NSUN6: variants seen among roughly 807,000 people sequenced by gnomAD.
NSUN6 encodes tRNA (cytosine(72)-C(5))-methyltransferase NSUN6.
NSUN6 carries 64 observed loss-of-function variants against 58.0 expected under a neutral mutation model. That is an observed-to-expected ratio of 1.10 (90% CI 0.90 to 1.36). The LOEUF (loss-of-function observed/expected upper bound fraction) is 1.36. Among genes scored for constraint, NSUN6 ranks in the 40% most tolerant of loss-of-function variants. The probability of loss-of-function intolerance (pLI) is 0.00; values close to 1 mark genes in which losing one functional copy is unlikely to be tolerated. For missense variants in NSUN6, 701 were observed against 550.1 expected, an observed-to-expected ratio of 1.27 and a Z score of -2.74; for synonymous variants, 231 against 193.9, an observed-to-expected ratio of 1.19 and a Z score of -1.59.
intron 8 of NSUN6, among the ~76,000 whole-genome samples, chr10:18,576,433 C>T (rs1465130358): frequency 2.0e-5 from 3 of 152,126 alleles, no homozygotes; most frequent in African/African-American, 4.8e-5. Context: ...AGCTTTTATG[C>T]CATAGTTGGT....
upstream of NSUN6, chr10:18,653,117 G>A (rs979612349): frequency 1.6e-5 from 16 of 984,778 alleles, no homozygotes; most frequent in African/African-American, 1.4e-4. Context: ...TAGCACCACT[G>A]ATGGCTAGAA....
chr10:18,565,938 C>T (rs2055896993), intron 8 of NSUN6, among the ~76,000 whole-genome samples: 1 of 149,826 alleles, frequency 6.7e-6, no homozygotes, highest in African/African-American at 2.4e-5. Context: ...ATTCTCCCTC[C>T]CATTCCCTTC....
intron 2 of NSUN6, among the ~76,000 whole-genome samples, chr10:18,643,871 C>G (rs1268899926): frequency 1.3e-5 from 2 of 152,170 alleles, no homozygotes; most frequent in East Asian, 1.9e-4. Flanking sequence ...TTGTCTCTCC[C>G]TTTCGATTAG....
At chr10:18,563,334 A>G (rs2055681917) in intron 8 of NSUN6, among the ~76,000 whole-genome samples, 1 of 151,224 alleles carries the variant, frequency 6.6e-6, no homozygotes, top group South Asian at 2.1e-4. Flanking sequence ...TGATTACAGA[A>G]TGGAATAGAA....
intron 3 of NSUN6, among the ~76,000 whole-genome samples, chr10:18,628,506 A>C (rs1378779025): frequency 1.3e-5 from 2 of 152,196 alleles, no homozygotes; most frequent in Admixed American, 1.3e-4. Flanking sequence ...GAAAACTTTG[A>C]AAAAAGTTTA....
intron 8 of NSUN6, among the ~76,000 whole-genome samples, chr10:18,562,831 T>C (rs907620219): frequency 2.5e-5 from 2 of 80,888 alleles, no homozygotes; most frequent in Non-Finnish European, 4.9e-5. Context: ...TGGAATGGAA[T>C]GAAATGGAGC....
At chr10:18,600,234 C>T (rs1019604428) in intron 6 of NSUN6, among the ~76,000 whole-genome samples, 7 of 150,520 alleles carry the variant, frequency 4.7e-5, no homozygotes, top group South Asian at 2.1e-4. Flanking sequence ...CAAAGCAAAA[C>T]GAAAAAAAAA....
At chr10:18,637,784 A>G (rs1240867608) in intron 3 of NSUN6, among the ~76,000 whole-genome samples, 1 of 152,270 alleles carries the variant, frequency 6.6e-6, no homozygotes, top group Non-Finnish European at 1.5e-5. Flanking sequence ...TAATGTAGCC[A>G]TTAGAAAGAA....
chr10:18,623,348 G>T (rs1347922975), intron 3 of NSUN6, among the ~76,000 whole-genome samples: 4 of 152,108 alleles, frequency 2.6e-5, no homozygotes, highest in Non-Finnish European at 5.9e-5. Context: ...AATGAAAGGG[G>T]GGGAAAAGAA....
Position 18,545,967 on chromosome 10 carries a change from A to G in NSUN6, c.1376T>C (p.Phe459Ser). 5 of 1,584,438 alleles carry G rather than the reference A, an allele frequency of 3.2e-6. No individual in the cohort carries two copies. The highest frequency in any genetic ancestry group is 3.4e-6 in the Non-Finnish European group (4 of 1,172,008). ...RLANKDSIGF[F>S]IAKFVKCKST is the part of the protein sequence containing the mutation. Reference sequence around the variant, plus strand: ...TTTGCATTTTACAAATTTTGCAATAAAAAAACCTATAGAGTCCTTATTAGC... The same window carrying G: ...TTTGCATTTTACAAATTTTGCAATAGAAAAACCTATAGAGTCCTTATTAGC... Residue 459 changes from phenylalanine to serine, a missense_variant, in exon 11 of 11, where the codon TTT becomes TCT. Physicochemically the swap from Phe to Ser is radical, Grantham distance 155 (BLOSUM62 -2). Transcript: ENST00000377304.
upstream of NSUN6, among the ~76,000 whole-genome samples, chr10:18,657,365 A>G (rs2059788428): frequency 6.6e-6 from 1 of 152,204 alleles, no homozygotes; most frequent in African/African-American, 2.4e-5. Context: ...TAAATTGTTC[A>G]TAAGAAAGGT....
intron 8 of NSUN6, among the ~76,000 whole-genome samples, chr10:18,559,137 AAATGGAGAATGG>A (rs1009244997): frequency 9.4e-5 from 14 of 149,222 alleles, no homozygotes; most frequent in African/African-American, 3.4e-4. Flanking sequence ...GAGTGGAATG[AAATGGAGAATGG>A]AATGCAGAAT....
At chr10:18,652,748 CG>C, upstream of NSUN6, 1 of 394,472 alleles carries the variant, frequency 2.5e-6, no homozygotes, top group Non-Finnish European at 3.4e-6. Flanking sequence ...TTAATAGAGA[CG>C]GGGTTTCACC....
At chr10:18,637,367 T>C (rs1484808016) in intron 3 of NSUN6, among the ~76,000 whole-genome samples, 2 of 152,218 alleles carry the variant, frequency 1.3e-5, no homozygotes, top group East Asian at 3.8e-4. Flanking sequence ...TTCACTTATG[T>C]TCTGATGAGT....
chr10:18,587,592 G>A (rs934300590), intron 7 of NSUN6, among the ~76,000 whole-genome samples: 5 of 152,066 alleles, frequency 3.3e-5, no homozygotes, highest in Non-Finnish European at 2.9e-5. Flanking sequence ...GAGGTACCCA[G>A]TTCATCTCAC....
At chr10:18,574,613 G>A (rs1328175965) in intron 8 of NSUN6, among the ~76,000 whole-genome samples, 2 of 152,122 alleles carry the variant, frequency 1.3e-5, no homozygotes, top group Non-Finnish European at 2.9e-5. Context: ...AATTGAGTCA[G>A]GAAACTTGCC....
At chr10:18,638,761 A>G (rs375438994) in intron 3 of NSUN6, among the ~76,000 whole-genome samples, 1 of 152,108 alleles carries the variant, frequency 6.6e-6, no homozygotes, top group African/African-American at 2.4e-5. Context: ...AAAGTAACGC[A>G]GTACATAAAA....
At chr10:18,631,359 T>C (rs1208775187) in intron 3 of NSUN6, among the ~76,000 whole-genome samples, 1 of 144,654 alleles carries the variant, frequency 6.9e-6, no homozygotes, top group Non-Finnish European at 1.5e-5. Context: ...AGGGATGCCC[T>C]CTCTCACCAC....
chr10:18,606,482 C>G (rs1258686734), intron 6 of NSUN6, among the ~76,000 whole-genome samples: 2 of 152,158 alleles, frequency 1.3e-5, no homozygotes, highest in Admixed American at 6.5e-5. Flanking sequence ...ATGAGAAAAA[C>G]TGGTGAAATC....
Sources: allele counts gnomAD v4.1 joint callset (sites outside exome capture counted in the v4.1 genomes callset), GRCh38; gene constraint gnomAD v4.1.1; transcripts MANE v1.5; gene names NCBI Gene and HGNC (gene_info 2026-07-23, HGNC 2026-07-21).